CMIP: variants seen among roughly 807,000 people sequenced by gnomAD.
The protein encoded by CMIP is c-Maf inducing protein.
A neutral mutation model predicts 97.3 loss-of-function variants in CMIP; 13 were observed. The ratio of observed to expected loss-of-function variants is 0.13; its 90% CI spans 0.09 to 0.21. The LOEUF (loss-of-function observed/expected upper bound fraction) is 0.21. Among genes scored for constraint, CMIP ranks in the 10% least tolerant of loss-of-function variants. The probability of loss-of-function intolerance (pLI) is 1.00; values close to 1 mark genes in which losing one functional copy is unlikely to be tolerated. For missense variants in CMIP, 847 were observed against 1,024.9 expected (o/e 0.83, Z 2.37); for synonymous variants, 538 against 436.3 (o/e 1.23, Z -2.91).
chr16:81,547,433 A>G (rs1486330740), intron 1 of CMIP, among the ~76,000 whole-genome samples: 5 of 152,106 alleles, frequency 3.3e-5, no homozygotes, highest in African/African-American at 9.7e-5. Context: ...TTTGCAGGCC[A>G]TCTCTTGCTG....
chr16:81,446,203 C>G (rs1905831564), intron 1 of CMIP, among the ~76,000 whole-genome samples: 1 of 151,798 alleles, frequency 6.6e-6, no homozygotes, highest in Non-Finnish European at 1.5e-5. Flanking sequence ...CGAGTTCTAG[C>G]CTAGAAGCTG....
chr16:81,703,641 G>A (rs1489661917), intron 17 of CMIP, among the ~76,000 whole-genome samples: 1 of 152,020 alleles, frequency 6.6e-6, no homozygotes, highest in Non-Finnish European at 1.5e-5. Context: ...ACGCCTGTGG[G>A]AGGATCGTGG....
chr16:81,560,333 C>G (rs1597561465), intron 1 of CMIP, among the ~76,000 whole-genome samples: 1 of 151,554 alleles, frequency 6.6e-6, no homozygotes, highest in East Asian at 2.0e-4. Context: ...ATTCTCCTGC[C>G]TCAGCCTCCC....
intron 1 of CMIP, among the ~76,000 whole-genome samples, chr16:81,580,753 T>C (rs2091282840): frequency 1.4e-5 from 2 of 148,140 alleles, no homozygotes; most frequent in African/African-American, 4.9e-5. Flanking sequence ...GCCGAAATCA[T>C]GCCACTGCAC....
intron 1 of CMIP, among the ~76,000 whole-genome samples, chr16:81,554,832 G>T (rs2090729416): frequency 6.6e-6 from 1 of 152,190 alleles, no homozygotes; most frequent in African/African-American, 2.4e-5. Context: ...CATCGTGTCT[G>T]CTAGGAACTA....
chr16:81,705,644 T>C (rs1333681717), intron 19 of CMIP, 40 bp downstream of exon 19: 2 of 1,335,280 alleles, frequency 1.5e-6, no homozygotes, highest in Non-Finnish European at 1.0e-6. Context: ...AGGGGCCGCT[T>C]GATTCATTCC....
chr16:81,609,294 T>C (rs1350570213), intron 2 of CMIP, among the ~76,000 whole-genome samples: 2 of 151,642 alleles, frequency 1.3e-5, no homozygotes, highest in Non-Finnish European at 2.9e-5. Flanking sequence ...CCAGCTCCTC[T>C]GCCTCTTCAC....
At chr16:81,636,368 A>T (rs2092235071) in intron 3 of CMIP, among the ~76,000 whole-genome samples, 2 of 151,998 alleles carry the variant, frequency 1.3e-5, no homozygotes, top group South Asian at 4.1e-4. Context: ...GGCTCACCTG[A>T]GGTCAGGAGT....
chr16:81,554,806 A>G (rs1367895912), intron 1 of CMIP, among the ~76,000 whole-genome samples: 1 of 152,210 alleles, frequency 6.6e-6, no homozygotes, highest in East Asian at 1.9e-4. Flanking sequence ...ACCCAACGAA[A>G]GCATAGAGTG....
chr16:81,589,838 C>T (rs951769927), intron 1 of CMIP, among the ~76,000 whole-genome samples: 3 of 152,202 alleles, frequency 2.0e-5, no homozygotes, highest in East Asian at 3.8e-4. Flanking sequence ...AAACTTAAGG[C>T]GCTGAATGAA....
intron 1 of CMIP, among the ~76,000 whole-genome samples, chr16:81,559,437 CT>C (rs2150869822): frequency 6.6e-6 from 1 of 152,358 alleles, no homozygotes; most frequent in South Asian, 2.1e-4. Context: ...TAGTTAAAAT[CT>C]GTTTTCATAT....
chr16:81,641,585 G>T (rs917583676), intron 3 of CMIP, among the ~76,000 whole-genome samples: 1 of 152,194 alleles, frequency 6.6e-6, no homozygotes. Context: ...GCAACCAGCC[G>T]ATGCCGCAGA....
intron 10 of CMIP, among the ~76,000 whole-genome samples, chr16:81,685,110 T>G (rs1905246916): frequency 6.6e-6 from 1 of 152,096 alleles, no homozygotes; most frequent in Non-Finnish European, 1.5e-5. Flanking sequence ...CCCCACAACC[T>G]CTGTCCAGCG....
Position 81,699,811 on chromosome 16 carries a change from T to C in CMIP, c.1755+10T>C, listed in dbSNP as rs923985421. 6 of 1,583,632 alleles carry C rather than the reference T, an allele frequency of 3.8e-6. No individual in the cohort carries two copies. The highest frequency in any genetic ancestry group is 2.2e-5 in the South Asian group (2 of 89,564). On this transcript the variant is annotated intron_variant, in intron 15 of 20. Coordinates refer to ENST00000537098, the MANE Select transcript of CMIP (RefSeq NM_198390.3). ...CCAGACCATGGTGGAGGTAAGGAGC[T>C]GGTCGGGGTCCCTGGTGGGGTGGCT... is the stretch of plus-strand genomic sequence containing the variant.
At chr16:81,568,307 C>T (rs1038813506) in intron 1 of CMIP, among the ~76,000 whole-genome samples, 33 of 152,184 alleles carry the variant, frequency 2.2e-4, no homozygotes, top group African/African-American at 7.7e-4. Context: ...CTAACTTTCA[C>T]CTCTTTCTCC....
At chr16:81,476,569 T>C in intron 1 of CMIP, 1 of 550,442 alleles carries the variant, frequency 1.8e-6, no homozygotes, top group Admixed American at 2.5e-5. Context: ...AGAGTGGCCA[T>C]GTTTCCTAGA....
intron 3 of CMIP, chr16:81,645,369 C>G: frequency 6.9e-7 from 1 of 1,448,192 alleles, no homozygotes; most frequent in Non-Finnish European, 9.1e-7. Flanking sequence ...TGTACGCGCG[C>G]GAGCCCCAGA....
intron 1 of CMIP, among the ~76,000 whole-genome samples, chr16:81,513,212 G>T (rs191103644): frequency 2.0e-5 from 3 of 152,144 alleles, no homozygotes; most frequent in Non-Finnish European, 2.9e-5. Flanking sequence ...TCGAGTTTTC[G>T]TAGAGCGGGG....
rs997424119 is a variant in CMIP at position 81,710,186 on chromosome 16, G to A, written c.*387G>A. 15 of 266,540 alleles carry A rather than the reference G, an allele frequency of 5.6e-5. No homozygotes were observed. The highest frequency in any genetic ancestry group is 9.1e-5 in the East Asian group (1 of 11,030). The allele number at this position is 266,540 out of a possible 1,614,324, so 16.5% of individuals were successfully genotyped here. A position where few individuals can be genotyped will look rare whatever the true frequency, so the allele number is the denominator to read the frequency against. The stretch of plus-strand genomic sequence containing the variant: ...CCGATGCCACCATTGCGGGCCGGAC[G>A]AAGGATGCTTTCTTCCTAGAGGCTC... On this transcript the variant is annotated 3_prime_UTR_variant, in exon 21 of 21. Transcript: ENST00000537098.
Sources: allele counts gnomAD v4.1 joint callset (sites outside exome capture counted in the v4.1 genomes callset), GRCh38; gene constraint gnomAD v4.1.1; transcripts MANE v1.5; gene names NCBI Gene and HGNC (gene_info 2026-07-23, HGNC 2026-07-21).